Variants in ZNF625 observed in about 807,000 individuals in gnomAD.
ZNF625 encodes the protein zinc finger protein 625.
A neutral mutation model predicts 11.1 loss-of-function variants in ZNF625; 8 were observed. That is an observed-to-expected ratio of 0.72 (90% confidence interval 0.42 to 1.30). The LOEUF (loss-of-function observed/expected upper bound fraction) is 1.30. ZNF625 is among the 50% of genes most tolerant of loss of function. The pLI is 0.01. For synonymous variants in ZNF625, 145 were observed against 153.4 expected, an observed-to-expected ratio of 0.95 and a Z score of 0.41; for missense variants, 349 against 447.6, an observed-to-expected ratio of 0.78 and a Z score of 1.99.
chr19:12,146,021 T>A lies in ZNF625; in HGVS notation c.395A>T (p.Gln132Leu), dbSNP rs767412587. The change falls in exon 4 of 4, where the codon CAG (glutamine) becomes CTG (leucine). Residue 132 changes from glutamine (Q) to leucine (L), a missense_variant. Transcript: ENST00000439556. Reference sequence around the variant, plus strand: ...ACAGTATGTACATTTATATGGCTTCTGTCCATATTCCTGATACTCATATGG... The same window carrying A: ...ACAGTATGTACATTTATATGGCTTCAGTCCATATTCCTGATACTCATATGG... ...HKPYEYQEYGQKPYKCTYCKK... is the reference protein window; with the variant it reads ...HKPYEYQEYGLKPYKCTYCKK... 3.1e-6 allele frequency: 5 copies of A among 1,614,112 alleles called. No homozygotes were observed. Among genetic ancestry groups the A allele is most frequent in the Non-Finnish European group, 2.5e-6 (3 of 1,180,046 alleles).
At chr19:12,147,189 G>A (rs896108152) in intron 3 of ZNF625, among the ~76,000 whole-genome samples, 5 of 151,830 alleles carry the variant, frequency 3.3e-5, no homozygotes, top group East Asian at 1.9e-4. Flanking sequence ...GGATGGTTTC[G>A]ATCTCCTGAC....
At chr19:12,152,686 C>CA (rs1419161572) in intron 1 of ZNF625, among the ~76,000 whole-genome samples, 1 of 151,742 alleles carries the variant, frequency 6.6e-6, no homozygotes, top group Non-Finnish European at 1.5e-5. Flanking sequence ...ACTAAAAATA[C>CA]AAAAAATTAG....
Position 12,146,121 on chromosome 19 carries a change from C to T in ZNF625, c.295G>A (p.Val99Ile). The change falls in exon 4 of 4, where the codon GTA (valine) becomes ATA (isoleucine). Residue 99 changes from valine (V) to isoleucine (I), a missense_variant. Transcript: ENST00000439556. ...DDMLKKKTPR[V>I]KSCGEVSVGH... ...ACGCTGACTTCTCCACATGATTTTA[C>T]TCGGGGAGTTTTCTTCTTCAGCATG... The T allele has an allele frequency of 6.2e-7, 1 of 1,614,132 alleles. No individual in the cohort carries two copies. Among genetic ancestry groups the T allele is most frequent in the Non-Finnish European group, 8.5e-7 (1 of 1,180,028 alleles).
chr19:12,152,942 C>T (rs956912666), intron 1 of ZNF625, among the ~76,000 whole-genome samples: 2 of 152,076 alleles, frequency 1.3e-5, no homozygotes, highest in African/African-American at 4.8e-5. Flanking sequence ...TACCCTCATT[C>T]GTGATGGTGA....
Position 12,145,988 on chromosome 19 carries a change from G to C in ZNF625, c.428C>G (p.Ala143Gly). 2 of 1,614,130 alleles carry C rather than the reference G, an allele frequency of 1.2e-6. No homozygotes were observed. Among genetic ancestry groups the C allele is most frequent in the South Asian group, 1.1e-5 (1 of 91,082 alleles). Residue 143 changes from alanine (A) to glycine (G), a missense_variant, in exon 4 of 4, where the codon GCC (alanine) becomes GGC (glycine). Transcript: ENST00000439556. ...KPYKCTYCKKAFSDLPYFRTH... is the reference protein window; with the variant it reads ...KPYKCTYCKKGFSDLPYFRTH... ...TCGAAAGTAGGGGAGATCACTGAAG[G>C]CTTTCTTACAGTATGTACATTTATA...
At position 12,147,339 on chromosome 19, in the gene ZNF625, C is replaced by A. The variant is rs932714488; in HGVS notation, c.191+56G>T. On this transcript the variant is annotated intron_variant, in intron 3 of 3. Transcript: ENST00000439556. ...CTTGTTTGCTTCTTTTTAACATTTTCTTCCATTCTATGATTGTCTAGAGAG... is the reference window on the plus strand; with the variant it reads ...CTTGTTTGCTTCTTTTTAACATTTTATTCCATTCTATGATTGTCTAGAGAG... 28 of 1,341,064 alleles carry A rather than the reference C, an allele frequency of 2.1e-5. No homozygotes were observed. The South Asian group carries it at 3.1e-4, about 15-fold the overall frequency. The allele number at this position is 1,341,064 out of a possible 1,614,324, so 83.1% of individuals were successfully genotyped here. A position where few individuals can be genotyped will look rare whatever the true frequency, so the allele number is the denominator to read the frequency against.
chr19:12,151,755 T>A (rs1976960121), intron 1 of ZNF625, among the ~76,000 whole-genome samples: 1 of 152,038 alleles, frequency 6.6e-6, no homozygotes, highest in Non-Finnish European at 1.5e-5. Flanking sequence ...GCTCAAGAGA[T>A]CCCCTTACCT....
intron 3 of ZNF625, among the ~76,000 whole-genome samples, chr19:12,146,970 A>ATTTTTTTTTTTTT (rs934558893): frequency 3.1e-5 from 4 of 130,852 alleles, no homozygotes; most frequent in Non-Finnish European, 4.8e-5. Flanking sequence ...GTTTTTAGAG[A>ATTTTTTTTTTTTT]TTTTTTTTTT....
At position 12,145,836 on chromosome 19, in the gene ZNF625, T is replaced by C. The variant is rs568232425; in HGVS notation, c.580A>G (p.Asn194Asp). 2.5e-6 allele frequency: 4 copies of C among 1,614,252 alleles called. No individual in the cohort carries two copies. In the South Asian group the frequency reaches 4.4e-5, roughly 18 times the overall value. ...MHSGDGPYKC[N>D]FCGKALMCLS... ...CACATCAAGGCTTTCCCACAAAAGT[T>C]ACATTTGTAGGGTCCATCTCCACTG... Residue 194 changes from asparagine (N) to aspartate (D), a missense_variant, in exon 4 of 4, where the codon AAC (asparagine) becomes GAC (aspartate). Physicochemically the swap from Asn to Asp is conservative, Grantham distance 23. Transcript: ENST00000439556.
In ZNF625 at chr19:12,147,389, A is replaced by G; in HGVS notation, c.191+6T>C. ...GACATCACTTTCTCTTGTGAATGCG[A>G]ATTACCTTAGGTTTCTCCTGGGATT... is the stretch of plus-strand genomic sequence containing the variant. On this transcript the variant is annotated splice_donor_region_variant and intron_variant, in intron 3 of 3. Transcript: ENST00000439556. The G allele has an allele frequency of 6.5e-7, 1 of 1,528,564 alleles. No homozygotes were observed. The highest frequency in any genetic ancestry group is 8.8e-7 in the Non-Finnish European group (1 of 1,142,120). 94.7% of individuals were successfully genotyped at this position (1,528,564 alleles called of 1,614,324 possible).
In ZNF625 at chr19:12,145,619, T is replaced by C. The variant is rs1599439290; in HGVS notation, c.797A>G (p.Lys266Arg). Residue 266 changes from lysine to arginine, a missense_variant, in exon 4 of 4, where the codon AAA becomes AGA. By Grantham distance (26) the Lys-to-Arg change is conservative. Coordinates refer to ENST00000439556, the MANE Select transcript of ZNF625 (RefSeq NM_145233.4). The stretch of plus-strand genomic sequence containing the variant: ...CGGCTTCTCCCCAGTGTGAGTTATT[T>C]TATGTGCATGGAGGCATGTGGAACT... ...FHSSTCLHAH[K>R]ITHTGEKPYE... is the part of the protein sequence containing the mutation. 6.2e-7 allele frequency: 1 copy of C among 1,614,096 alleles called. No homozygotes were observed. Among genetic ancestry groups the C allele is most frequent in the Middle Eastern group, 1.6e-4 (1 of 6,062 alleles).
rs760414268 is a variant in ZNF625 at position 12,145,501 on chromosome 19, A to G, written c.915T>C (p.Cys305=). The G allele has an allele frequency of 4.3e-6, 7 of 1,614,126 alleles. No individual in the cohort carries two copies. The highest frequency in any genetic ancestry group is 5.9e-6 in the Non-Finnish European group (7 of 1,180,014). ...ATCTGAAGGCTTTCCCACATTGCTTACATTCATAGGGCTTCTCTCCAGTGT... is the reference window on the plus strand; with the variant it reads ...ATCTGAAGGCTTTCCCACATTGCTTGCATTCATAGGGCTTCTCTCCAGTGT... ...RTHTGEKPYE[C]KQCGKAFRSA... The change falls in exon 4 of 4, where the codon TGT becomes TGC. Residue 305 remains cysteine (C), a synonymous_variant. Transcript: ENST00000439556.
In ZNF625 at chr19:12,147,464, C is replaced by T; in HGVS notation, c.131-9G>A. The T allele has an allele frequency of 6.5e-7, 1 of 1,528,710 alleles. No homozygotes were observed. Among genetic ancestry groups the T allele is most frequent in the Non-Finnish European group, 8.8e-7 (1 of 1,142,814 alleles). The allele number at this position is 1,528,710 out of a possible 1,614,324, so 94.7% of individuals were successfully genotyped here. Reference sequence around the variant, plus strand: ...ATCTTTCCATTTTTTTCCTAAAATACAGAACCAGAAAAATAGTCCTGAATT... The same window carrying T: ...ATCTTTCCATTTTTTTCCTAAAATATAGAACCAGAAAAATAGTCCTGAATT... On this transcript the variant is annotated splice_polypyrimidine_tract_variant and intron_variant, in intron 2 of 3. Transcript: ENST00000439556.
Position 12,145,957 on chromosome 19 carries a change from A to G in ZNF625, c.459T>C (p.His153=). 3 of 1,614,176 alleles carry G rather than the reference A, an allele frequency of 1.9e-6. No homozygotes were observed. Among genetic ancestry groups the G allele is most frequent in the Non-Finnish European group, 2.5e-6 (3 of 1,180,018 alleles). ...AFSDLPYFRT[H]EWAHTGGKPY... ...GTTTCCCCCCAGTGTGAGCCCATTC[A>G]TGTGTTCGAAAGTAGGGGAGATCAC... is the stretch of plus-strand genomic sequence containing the variant. The change falls in exon 4 of 4, where the codon CAT becomes CAC. Residue 153 remains histidine (H), a synonymous_variant. Coordinates refer to ENST00000439556, the MANE Select transcript of ZNF625 (RefSeq NM_145233.4).
chr19:12,146,853 T>C (rs979286733), intron 3 of ZNF625, among the ~76,000 whole-genome samples: 2 of 152,148 alleles, frequency 1.3e-5, no homozygotes, highest in East Asian at 3.9e-4. Flanking sequence ...CATGGCCGAG[T>C]GTAGCCTCAA....
rs769318146 is a variant in ZNF625 at position 12,152,852 on chromosome 19, A to C, written c.3+3704T>G. Among the ~76,000 whole-genome samples, 168 of 152,174 alleles carry C rather than the reference A, an allele frequency of 1.1e-3. 2 individuals carry two copies. Among genetic ancestry groups the C allele is most frequent in the East Asian group, 5.8e-4 (3 of 5,170 alleles). On this transcript the variant is annotated intron_variant, in intron 1 of 3. Transcript: ENST00000439556. ...GAGCGAGACTCCATCTTAAAAAAAA[A>C]AACAACAACAACTCAATAAACTAAT...
chr19:12,145,834 G>A lies in ZNF625; in HGVS notation c.582C>T (p.Asn194=), dbSNP rs765471949. 3.1e-6 allele frequency: 5 copies of A among 1,614,198 alleles called. No individual in the cohort carries two copies. The highest frequency in any genetic ancestry group is 1.6e-4 in the Middle Eastern group (1 of 6,062). The stretch of plus-strand genomic sequence containing the variant: ...GACACATCAAGGCTTTCCCACAAAA[G>A]TTACATTTGTAGGGTCCATCTCCAC... ...MHSGDGPYKC[N]FCGKALMCLS... Residue 194 remains asparagine (N), a synonymous_variant, in exon 4 of 4, where the codon AAC becomes AAT. Coordinates refer to ENST00000439556, the MANE Select transcript of ZNF625 (RefSeq NM_145233.4).
Position 12,156,604 on chromosome 19 carries a change from A to C in ZNF625, c.-46T>G. 7.6e-7 allele frequency: 1 copy of C among 1,312,024 alleles called. No individual in the cohort carries two copies. Among genetic ancestry groups the C allele is most frequent in the Non-Finnish European group, 9.7e-7 (1 of 1,027,796 alleles). 81.3% of individuals were successfully genotyped at this position (1,312,024 alleles called of 1,614,324 possible). On this transcript the variant is annotated 5_prime_UTR_variant, in exon 1 of 4. Coordinates refer to ENST00000439556, the MANE Select transcript of ZNF625 (RefSeq NM_145233.4). Reference sequence around the variant, plus strand: ...TGGCCTCCTCTCCACGGATCCCTCTAACAGTCCAGTCACAGTGCGGGCGAT... The same window carrying C: ...TGGCCTCCTCTCCACGGATCCCTCTCACAGTCCAGTCACAGTGCGGGCGAT...
At chr19:12,149,412 T>C (rs754961731) in intron 1 of ZNF625, among the ~76,000 whole-genome samples, 32 of 152,082 alleles carry the variant, frequency 2.1e-4, no homozygotes, top group Non-Finnish European at 4.1e-4. Flanking sequence ...TATTATTTAA[T>C]CTTTTAAAAT....
Sources: gnomAD v4.1 joint callset for allele counts (sites outside exome capture counted in the v4.1 genomes callset) on GRCh38, gnomAD v4.1.1 for gene constraint, MANE v1.5 for transcripts, NCBI Gene and HGNC (gene_info 2026-07-23, HGNC 2026-07-21) for gene names.